The following COL23A1 variants were observed in gnomAD, a reference collection of about 807,000 sequenced individuals.
COL23A1 encodes collagen type XXIII alpha 1 chain.
A neutral mutation model predicts 99.3 loss-of-function variants in COL23A1; 97 were observed. That is an observed-to-expected ratio of 0.98 (90% confidence interval 0.83 to 1.16). COL23A1 has a LOEUF of 1.16. COL23A1 is among the 50% of genes most tolerant of loss of function. The probability of loss-of-function intolerance (pLI) is 0.00; values close to 1 mark genes in which losing one functional copy is unlikely to be tolerated. For synonymous variants in COL23A1, 320 were observed against 308.2 expected, an observed-to-expected ratio of 1.04 and a Z score of -0.40; for missense variants, 762 against 757.4, an observed-to-expected ratio of 1.01 and a Z score of -0.07.
chr5:178,500,424 C>CA (rs770679841), intron 2 of COL23A1, among the ~76,000 whole-genome samples: 26,555 of 65,584 alleles, frequency 0.4, 5,219 homozygotes, highest in Middle Eastern at 0.48. Context: ...CCCATCTCTA[C>CA]AAAAAAAAAA....
At chr5:178,568,351 G>GT (rs1479340869) in intron 1 of COL23A1, among the ~76,000 whole-genome samples, 1 of 150,840 alleles carries the variant, frequency 6.6e-6, no homozygotes, top group African/African-American at 2.4e-5. Flanking sequence ...GTGTAATTTA[G>GT]TTTTAAAAAA....
Position 178,409,354 on chromosome 5 carries a change from A to G in COL23A1, c.362-102435T>C, listed in dbSNP as rs140823619. ...AATTCCAGTTCTAAAACATTCTTAAAATGACAAATGTAAAGCTTTCTTAAA... is the reference window on the plus strand; with the variant it reads ...AATTCCAGTTCTAAAACATTCTTAAGATGACAAATGTAAAGCTTTCTTAAA... On this transcript the variant is annotated intron_variant, in intron 2 of 28. Transcript: ENST00000390654. Among the ~76,000 whole-genome samples, 85 of 152,336 alleles carry G rather than the reference A, an allele frequency of 5.6e-4. No homozygotes were observed. In the East Asian group the frequency reaches 0.016, roughly 29 times the overall value.
At chr5:178,455,204 C>T (rs72648838) in intron 2 of COL23A1, among the ~76,000 whole-genome samples, 13,822 of 152,260 alleles carry the variant, frequency 0.091, 1,522 homozygotes, top group East Asian at 0.49. Context: ...CAGTTCAACC[C>T]GTACCACTGA....
In COL23A1 at chr5:178,519,193, T is replaced by A. The variant is rs982215675; in HGVS notation, c.361+41489A>T. 3.9e-5 allele frequency among the ~76,000 whole-genome samples: 6 copies of A among 152,350 alleles called. No homozygotes were observed. The East Asian group carries it at 1.2e-3, about 29-fold the overall frequency. On this transcript the variant is annotated intron_variant, in intron 2 of 28. Transcript: ENST00000390654. ...GCAGTCCTTTTCACCAATTTTATCA[T>A]CTTCCCTCTCTGCCCGCAGCCCCAT...
intron 2 of COL23A1, among the ~76,000 whole-genome samples, chr5:178,334,138 T>C (rs1760191434): frequency 6.6e-6 from 1 of 152,192 alleles, no homozygotes; most frequent in South Asian, 2.1e-4. Context: ...TGCCCTCCAC[T>C]GCAGACTTGC....
chr5:178,342,267 C>T (rs920528606), intron 2 of COL23A1, among the ~76,000 whole-genome samples: 11 of 152,172 alleles, frequency 7.2e-5, no homozygotes, highest in African/African-American at 1.9e-4. Context: ...GCCATCTGGC[C>T]GGGTGACAGC....
At chr5:178,420,425 C>G (rs1561955963) in intron 2 of COL23A1, among the ~76,000 whole-genome samples, 1 of 49,820 alleles carries the variant, frequency 2.0e-5, no homozygotes, top group Non-Finnish European at 3.3e-5. Flanking sequence ...CCTCCCTTCT[C>G]CCCTCCCCCG....
At chr5:178,534,595 A>G (rs1342644247) in intron 2 of COL23A1, among the ~76,000 whole-genome samples, 1 of 152,120 alleles carries the variant, frequency 6.6e-6, no homozygotes, top group African/African-American at 2.4e-5. Flanking sequence ...CTTGACCAAC[A>G]TGGTGAAATT....
rs1761477399 is a variant in COL23A1, at chr5:178,544,558, G to C, written c.361+16124C>G. ...GAGTACTCTGAGGCCCAGAGGTACA[G>C]CTAGGAAGCATGTCCCTCCTGGGTA... is the stretch of plus-strand genomic sequence containing the variant. On this transcript the variant is annotated intron_variant, in intron 2 of 28. Transcript: ENST00000390654. This position sits in a 1 kb window ranked among gnomAD's most constrained non-coding sequence, Gnocchi z 4.4. 6.6e-6 allele frequency among the ~76,000 whole-genome samples: 1 copy of C among 152,198 alleles called. No homozygotes were observed. The highest frequency in any genetic ancestry group is 1.5e-5 in the Non-Finnish European group (1 of 68,038).
intron 2 of COL23A1, among the ~76,000 whole-genome samples, chr5:178,380,214 C>T (rs1053002803): frequency 9.9e-5 from 15 of 152,180 alleles, no homozygotes; most frequent in Admixed American, 9.2e-4. Context: ...GGGTCAATTG[C>T]TGCCTAGTGT....
chr5:178,324,562 G>A (rs972901628), intron 2 of COL23A1, among the ~76,000 whole-genome samples: 2 of 152,116 alleles, frequency 1.3e-5, no homozygotes, highest in African/African-American at 2.4e-5. Context: ...AAGTCGCTCC[G>A]TTGCTTTTCA....
chr5:178,398,403 G>T (rs1764260557), intron 2 of COL23A1, among the ~76,000 whole-genome samples: 1 of 152,222 alleles, frequency 6.6e-6, no homozygotes, highest in African/African-American at 2.4e-5. Context: ...GACGCAGGCG[G>T]ATCACATTGG....
At position 178,443,661 on chromosome 5, in the gene COL23A1, T is replaced by C. The variant is rs188444188; in HGVS notation, c.361+117021A>G. 4.9e-4 allele frequency among the ~76,000 whole-genome samples: 74 copies of C among 151,874 alleles called. No homozygotes were observed. In the East Asian group the frequency reaches 0.014, roughly 30 times the overall value. On this transcript the variant is annotated intron_variant, in intron 2 of 28. Transcript: ENST00000390654. ...TTCGTACAGACGGGGTTTCACCATG[T>C]TGGCCAGACTGGTTTCAAACTCCTG...
intron 2 of COL23A1, among the ~76,000 whole-genome samples, chr5:178,403,108 C>CAAAAAAAAAAAAAAAAAAAAAAAAAAA (rs200567150): frequency 1.7e-4 from 8 of 46,666 alleles, no homozygotes; most frequent in East Asian, 1.1e-3. Context: ...GACTCCATCT[C>CAAAAAAAAAAAAAAAAAAAAAAAAAAA]AAAAAAAAAA....
Position 178,308,572 on chromosome 5 carries a change from T to C in COL23A1, c.362-1653A>G, listed in dbSNP as rs1192985583. 6.6e-6 allele frequency among the ~76,000 whole-genome samples: 1 copy of C among 152,104 alleles called. No homozygotes were observed. The highest frequency in any genetic ancestry group is 2.4e-5 in the African/African-American group (1 of 41,416). On this transcript the variant is annotated intron_variant, in intron 2 of 28. Coordinates refer to ENST00000390654, the MANE Select transcript of COL23A1 (RefSeq NM_173465.4). The surrounding 1 kb of genome is among the most constrained non-coding windows in gnomAD (Gnocchi z 5.1). Reference sequence around the variant, plus strand: ...CCTCATACTGTGTGGGTTTACAGCTTATGAGGCACCTCCAGGCCCATGCTC... The same window carrying C: ...CCTCATACTGTGTGGGTTTACAGCTCATGAGGCACCTCCAGGCCCATGCTC...
At chr5:178,271,108 C>A (rs1756261368) in intron 5 of COL23A1, among the ~76,000 whole-genome samples, 2 of 152,168 alleles carry the variant, frequency 1.3e-5, no homozygotes, top group South Asian at 4.1e-4. Context: ...GCAGAGTCTG[C>A]AGAGGGCCAG....
chr5:178,407,593 G>A (rs1425148918), intron 2 of COL23A1, among the ~76,000 whole-genome samples: 1 of 146,520 alleles, frequency 6.8e-6, no homozygotes, highest in Non-Finnish European at 1.6e-5. Context: ...GAACACACCT[G>A]AAACAAATGA....
Position 178,238,452 on chromosome 5 carries a change from C to A in COL23A1, c.*246G>T, listed in dbSNP as rs553580259. On this transcript the variant is annotated 3_prime_UTR_variant, in exon 29 of 29. Transcript: ENST00000390654. Reference sequence around the variant, plus strand: ...TGCCCGAGCCAGGTGCTTCTACCTTCATCTCCTTCCTGGGAAAGCCCAGGC... The same window carrying A: ...TGCCCGAGCCAGGTGCTTCTACCTTAATCTCCTTCCTGGGAAAGCCCAGGC... The A allele has an allele frequency of 3.6e-6, 2 of 560,452 alleles. No homozygotes were observed. The highest frequency in any genetic ancestry group is 6.4e-6 in the Non-Finnish European group (2 of 314,548). The allele number at this position is 560,452 out of a possible 1,614,324, so 34.7% of individuals were successfully genotyped here.
intron 2 of COL23A1, among the ~76,000 whole-genome samples, chr5:178,456,974 T>A (rs1484875443): frequency 6.6e-6 from 1 of 152,178 alleles, no homozygotes; most frequent in East Asian, 1.9e-4. Context: ...ACACACCCTG[T>A]TTTGGGTTTG....
Sources: gnomAD v4.1 joint callset for allele counts (sites outside exome capture counted in the v4.1 genomes callset) on GRCh38, gnomAD v4.1.1 for gene constraint, Gnocchi (gnomAD v3.1) non-coding constraint, MANE v1.5 for transcripts, NCBI Gene and HGNC (gene_info 2026-07-23, HGNC 2026-07-21) for gene names.